SWT1: variants seen among roughly 807,000 people sequenced by gnomAD.
SWT1 encodes transcriptional protein SWT1.
A neutral mutation model predicts 107.3 loss-of-function variants in SWT1; 33 were observed. The ratio of observed to expected loss-of-function variants is 0.31; its 90% confidence interval spans 0.23 to 0.41. The LOEUF (loss-of-function observed/expected upper bound fraction) is 0.41, where lower values mean the gene tolerates loss of function less well. SWT1 is among the 10% of genes least tolerant of loss of function. The pLI, the probability that SWT1 is intolerant of heterozygous loss-of-function variation, is 1.00. For missense variants in SWT1, 898 were observed against 1,028.9 expected (o/e 0.87, Z 1.74); for synonymous variants, 345 against 348.3 (o/e 0.99, Z 0.11).
chr1:185,227,320 C>G, intron 15 of SWT1: 1 of 737,598 alleles, frequency 1.4e-6, no homozygotes, highest in South Asian at 1.4e-5. Flanking sequence ...TATTCATTGC[C>G]AGTCTCTTCC....
At chr1:185,192,831 A>G in intron 10 of SWT1, among the ~76,000 whole-genome samples, 1 of 152,020 alleles carries the variant, frequency 6.6e-6, no homozygotes, top group Non-Finnish European at 1.5e-5. Context: ...TATTTTTAGT[A>G]GAGATGGGGT....
chr1:185,183,645 C>T (rs974767153), intron 7 of SWT1, among the ~76,000 whole-genome samples: 1 of 152,126 alleles, frequency 6.6e-6, no homozygotes, highest in African/African-American at 2.4e-5. Flanking sequence ...TTAAAATTAG[C>T]TTATAATTAC....
chr1:185,184,832 C>T lies in SWT1; in HGVS notation c.1330C>T (p.His444Tyr). Residue 444 changes from histidine (H) to tyrosine (Y), a missense_variant, in exon 9 of 19, where the codon CAC becomes TAC. Coordinates refer to ENST00000367500, the MANE Select transcript of SWT1 (RefSeq NM_017673.7). ...KEGKLLKRAQHKAIPAVHFIN... is the reference protein window; with the variant it reads ...KEGKLLKRAQYKAIPAVHFIN... The stretch of plus-strand genomic sequence containing the variant: ...AGGAAAACTACTAAAACGTGCCCAG[C>T]ACAAAGCTATACCTGCAGTTCATTT... 1 of 1,597,242 alleles carries T rather than the reference C, an allele frequency of 6.3e-7. No homozygotes were observed. Among genetic ancestry groups the T allele is most frequent in the Non-Finnish European group, 8.5e-7 (1 of 1,173,676 alleles).
chr1:185,184,258 A>T lies in SWT1; in HGVS notation c.1154A>T (p.Asp385Val), dbSNP rs201042311. 9.1e-6 allele frequency: 14 copies of T among 1,545,670 alleles called. No individual in the cohort carries two copies. Among genetic ancestry groups the T allele is most frequent in the Admixed American group, 3.9e-5 (2 of 51,552 alleles). ...TTTTCTTTAGCAAATAATACTTCAG[A>T]CAGAAAGCTTCTAATTGTTATTGAC... ...VHSSSANNTSDRKLLIVIDTN... is the reference protein window; with the variant it reads ...VHSSSANNTSVRKLLIVIDTN... The change falls in exon 8 of 19, where the codon GAC becomes GTC. Residue 385 changes from aspartate to valine, a missense_variant. Physicochemically the swap from Asp to Val is radical, Grantham distance 152. This residue lies in a region of SWT1 where 94 missense variants were observed against 114.5 expected (regional missense o/e 0.82). Transcript: ENST00000367500.
intron 2 of SWT1, among the ~76,000 whole-genome samples, chr1:185,162,771 T>G (rs1364185557): frequency 6.6e-6 from 1 of 152,064 alleles, no homozygotes; most frequent in African/African-American, 2.4e-5. Flanking sequence ...AAAAATTATG[T>G]TTATACTATA....
intron 16 of SWT1, among the ~76,000 whole-genome samples, chr1:185,236,229 C>T (rs1276822155): frequency 1.3e-5 from 2 of 152,042 alleles, no homozygotes; most frequent in African/African-American, 4.8e-5. Context: ...AAAAAGAGCC[C>T]ACATAGCCAA....
chr1:185,251,409 A>T (rs1348500552), intron 16 of SWT1: 1 of 152,500 alleles, frequency 6.6e-6, no homozygotes, highest in African/African-American at 2.4e-5. Context: ...ACTTTAGCCT[A>T]AAGAAAAAAA....
At chr1:185,245,337 T>C (rs1333057776) in intron 16 of SWT1, among the ~76,000 whole-genome samples, 3 of 152,148 alleles carry the variant, frequency 2.0e-5, no homozygotes, top group Non-Finnish European at 2.9e-5. Context: ...AGTGTCACTG[T>C]CTTCCACCGC....
Position 185,231,592 on chromosome 1 carries a change from A to G in SWT1, c.2325A>G (p.Gln775=), listed in dbSNP as rs201250284. ...TCTATTTTAGCACGGATGTATTTCA[A>G]AGATTGGGCTCAAATTCAGCTCTGA... is the stretch of plus-strand genomic sequence containing the variant. The part of the protein sequence containing the change: ...TIYQNSTDVF[Q]RLGSNSALTT... Residue 775 remains glutamine (Q), a synonymous_variant, in exon 16 of 19, where the codon CAA becomes CAG. Coordinates refer to ENST00000367500, the MANE Select transcript of SWT1 (RefSeq NM_017673.7). 6.2e-5 allele frequency: 100 copies of G among 1,609,028 alleles called. No individual in the cohort carries two copies. Among genetic ancestry groups the G allele is most frequent in the Middle Eastern group, 1.7e-4 (1 of 5,900 alleles).
At chr1:185,162,019 T>G (rs1654191520) in intron 2 of SWT1, among the ~76,000 whole-genome samples, 1 of 152,178 alleles carries the variant, frequency 6.6e-6, no homozygotes, top group African/African-American at 2.4e-5. Context: ...CTTTTTGGTG[T>G]TTGTTCCTTG....
chr1:185,173,060 A>G (rs1016756568), intron 4 of SWT1, among the ~76,000 whole-genome samples: 1 of 150,936 alleles, frequency 6.6e-6, no homozygotes, highest in African/African-American at 2.4e-5. Flanking sequence ...AAAAAAAAAA[A>G]AGAAGAAAAT....
At chr1:185,200,902 C>T (rs1044715695) in intron 10 of SWT1, among the ~76,000 whole-genome samples, 7 of 152,176 alleles carry the variant, frequency 4.6e-5, no homozygotes, top group Admixed American at 4.6e-4. Context: ...GTTTTATCTA[C>T]AAGCTCCTGA....
chr1:185,267,417 G>A (rs1034902152), intron 16 of SWT1, among the ~76,000 whole-genome samples: 1 of 152,162 alleles, frequency 6.6e-6, no homozygotes, highest in Non-Finnish European at 1.5e-5. Context: ...GTAAAGCAGG[G>A]TCAGACTTAA....
At chr1:185,249,185 G>A (rs544389016) in intron 16 of SWT1, among the ~76,000 whole-genome samples, 2 of 152,320 alleles carry the variant, frequency 1.3e-5, no homozygotes, top group South Asian at 4.1e-4. Flanking sequence ...TGTAGCCTGA[G>A]CTTTGTCGCA....
At chr1:185,192,572 C>G (rs1214081229) in intron 10 of SWT1, among the ~76,000 whole-genome samples, 1 of 151,942 alleles carries the variant, frequency 6.6e-6, no homozygotes, top group African/African-American at 2.4e-5. Context: ...CAAATCTAAA[C>G]TATACAATGT....
intron 16 of SWT1, among the ~76,000 whole-genome samples, chr1:185,265,350 A>T (rs564247177): frequency 6.6e-6 from 1 of 152,220 alleles, no homozygotes; most frequent in African/African-American, 2.4e-5. Context: ...TGATTTTCCA[A>T]ATTAACTATA....
chr1:185,224,328 T>G (rs1481779611), intron 15 of SWT1, among the ~76,000 whole-genome samples: 3 of 152,196 alleles, frequency 2.0e-5, no homozygotes, highest in Admixed American at 2.0e-4. Flanking sequence ...CCATGCTGTT[T>G]TGGTTACTAT....
intron 15 of SWT1, among the ~76,000 whole-genome samples, chr1:185,230,991 C>T (rs1055483898): frequency 1.3e-5 from 2 of 152,182 alleles, no homozygotes; most frequent in Non-Finnish European, 2.9e-5. Context: ...TCAAGTGATC[C>T]TCCCTCCTCG....
intron 18 of SWT1, among the ~76,000 whole-genome samples, chr1:185,283,301 A>C (rs1664750798): frequency 6.6e-6 from 1 of 152,004 alleles, no homozygotes; most frequent in African/African-American, 2.4e-5. Flanking sequence ...CAGTTTTTAG[A>C]CTCTTTGAAG....
Sources: gnomAD v4.1 joint callset for allele counts (sites outside exome capture counted in the v4.1 genomes callset) on GRCh38, gnomAD v4.1.1 for gene constraint, gnomAD v4.1.1 regional missense constraint, MANE v1.5 for transcripts, NCBI Gene and HGNC (gene_info 2026-07-23, HGNC 2026-07-21) for gene names.